Variants in PITPNC1 observed in about 807,000 individuals in gnomAD.
PITPNC1 encodes the protein cytoplasmic phosphatidylinositol transfer protein 1.
PITPNC1 carries 18 observed loss-of-function variants against 44.7 expected under a neutral mutation model. That is an observed-to-expected ratio of 0.40 (90% CI 0.28 to 0.60). The LOEUF is 0.60. Among genes scored for constraint, PITPNC1 ranks in the 20% least tolerant of loss-of-function variants. PITPNC1 has a pLI of 0.39. For missense variants in PITPNC1, 290 were observed against 418.4 expected, an observed-to-expected ratio of 0.69 and a Z score of 2.68; for synonymous variants, 141 against 149.6, an observed-to-expected ratio of 0.94 and a Z score of 0.42.
At chr17:67,617,961 G>T (rs192296114) in intron 5 of PITPNC1, among the ~76,000 whole-genome samples, 1 of 152,144 alleles carries the variant, frequency 6.6e-6, no homozygotes, top group Non-Finnish European at 1.5e-5. Flanking sequence ...GATTCGGGGG[G>T]ACACTCTTCA....
intron 1 of PITPNC1, chr17:67,457,202 C>G (rs1333491040): frequency 6.6e-6 from 1 of 152,146 alleles, no homozygotes; most frequent in Non-Finnish European, 1.5e-5. Flanking sequence ...GAATAGTGCA[C>G]TACAGCCCAG....
At chr17:67,575,841 TC>T (rs1469656327) in intron 4 of PITPNC1, among the ~76,000 whole-genome samples, 1 of 98,716 alleles carries the variant, frequency 1.0e-5, no homozygotes, top group Non-Finnish European at 2.0e-5. Context: ...CTTCCTTCCT[TC>T]TTTCTTTCTT....
At position 67,692,720 on chromosome 17, in the gene PITPNC1, C is replaced by T; in HGVS notation, c.831C>T (p.Ser277=). ...SVRSAPSSAP[S]TPLSTDAPEF... is the part of the protein sequence containing the mutation. Reference sequence around the variant, plus strand: ...GCAGTGCGCCTTCTAGTGCTCCATCCACCCCTCTCTCCACAGACGCACCCG... The same window carrying T: ...GCAGTGCGCCTTCTAGTGCTCCATCTACCCCTCTCTCCACAGACGCACCCG... Residue 277 remains serine (S), a synonymous_variant, in exon 9 of 9, where the codon TCC becomes TCT. Coordinates refer to ENST00000581322, the MANE Select transcript of PITPNC1 (RefSeq NM_012417.4). The T allele has an allele frequency of 6.2e-7, 1 of 1,613,842 alleles. No individual in the cohort carries two copies. Among genetic ancestry groups the T allele is most frequent in the Non-Finnish European group, 8.5e-7 (1 of 1,179,822 alleles).
chr17:67,575,839 C>CTTCCTTCT (rs2041137643), intron 4 of PITPNC1, among the ~76,000 whole-genome samples: 6 of 92,896 alleles, frequency 6.5e-5, no homozygotes, highest in African/African-American at 2.5e-4. Context: ...TCCTTCCTTC[C>CTTCCTTCT]TTCTTTCTTT....
chr17:67,382,560 A>G (rs2037978880), intron 1 of PITPNC1, among the ~76,000 whole-genome samples: 2 of 152,262 alleles, frequency 1.3e-5, no homozygotes, highest in East Asian at 3.9e-4. Context: ...TATAGAGAGA[A>G]AGTTGTCATT....
At chr17:67,425,611 T>C (rs2038752998) in intron 1 of PITPNC1, among the ~76,000 whole-genome samples, 1 of 151,672 alleles carries the variant, frequency 6.6e-6, no homozygotes, top group Non-Finnish European at 1.5e-5. Context: ...AACTTTGCAC[T>C]CCTGGGCTCA....
chr17:67,669,194 CCT>C (rs2144400390), intron 6 of PITPNC1, among the ~76,000 whole-genome samples: 1 of 152,314 alleles, frequency 6.6e-6, no homozygotes, highest in South Asian at 2.1e-4. Flanking sequence ...ACAACCTCTG[CCT>C]CTCGGGTTCA....
intron 2 of PITPNC1, among the ~76,000 whole-genome samples, chr17:67,541,466 CAT>C (rs1447962374): frequency 2.4e-5 from 1 of 42,428 alleles, no homozygotes; most frequent in African/African-American, 8.3e-5. Flanking sequence ...AGCAATTATA[CAT>C]ACACACACAC....
chr17:67,641,299 A>G (rs937950016), intron 6 of PITPNC1, among the ~76,000 whole-genome samples: 1 of 152,194 alleles, frequency 6.6e-6, no homozygotes, highest in African/African-American at 2.4e-5. Context: ...AAACAGAGCA[A>G]ATCTCCTATG....
chr17:67,620,812 G>C (rs1277352543), intron 5 of PITPNC1, among the ~76,000 whole-genome samples: 1 of 152,124 alleles, frequency 6.6e-6, no homozygotes, highest in Non-Finnish European at 1.5e-5. Flanking sequence ...GTTTGATGGG[G>C]ATTAAATAAA....
chr17:67,591,750 C>T (rs908752340), intron 5 of PITPNC1, among the ~76,000 whole-genome samples: 2 of 152,116 alleles, frequency 1.3e-5, no homozygotes, highest in Non-Finnish European at 2.9e-5. Flanking sequence ...TGCTGTGTCA[C>T]CCAGGCTGGA....
chr17:67,530,085 CTTTTTTTTTT>C lies in PITPNC1; in HGVS notation c.49-2702_49-2693del, dbSNP rs796278390. The stretch of plus-strand genomic sequence containing the variant: ...ATCCGGTTCGGACCTCAACCCTTGG[CTTTTTTTTTT>C]TTTTTTTTTTTTTTGAGATGGGGTC... On this transcript the variant is annotated intron_variant, in intron 1 of 8. Transcript: ENST00000581322. Among the ~76,000 whole-genome samples, 5 of 71,252 alleles carry C rather than the reference CTTTTTTTTTT, an allele frequency of 7.0e-5. No homozygotes were observed. The South Asian group carries it at 2.2e-3, about 31-fold the overall frequency. The allele number at this position is 71,252 out of a possible 152,430, so 46.7% of individuals were successfully genotyped here.
intron 1 of PITPNC1, among the ~76,000 whole-genome samples, chr17:67,513,375 CTATATCTAT>C (rs890057135): frequency 3.5e-5 from 5 of 142,052 alleles, no homozygotes; most frequent in African/African-American, 1.4e-4. Flanking sequence ...ATATCTATAT[CTATATCTAT>C]ATCTATATCT....
At chr17:67,529,056 G>A (rs537128283) in intron 1 of PITPNC1, among the ~76,000 whole-genome samples, 4 of 152,098 alleles carry the variant, frequency 2.6e-5, no homozygotes, top group African/African-American at 7.2e-5. Flanking sequence ...CACCCCCAGC[G>A]TCTGCAGGTC....
chr17:67,663,312 G>A (rs953524335), intron 6 of PITPNC1, among the ~76,000 whole-genome samples: 27 of 152,174 alleles, frequency 1.8e-4, no homozygotes, highest in African/African-American at 6.5e-4. Context: ...GCTCCTGCCT[G>A]TAATCCCAGC....
intron 6 of PITPNC1, among the ~76,000 whole-genome samples, chr17:67,641,571 C>A (rs2042092807): frequency 6.6e-6 from 1 of 151,990 alleles, no homozygotes. Flanking sequence ...CCAAGGCAGG[C>A]AGATCGCTTA....
intron 1 of PITPNC1, among the ~76,000 whole-genome samples, chr17:67,409,598 G>A (rs909810697): frequency 6.6e-6 from 1 of 151,886 alleles, no homozygotes; most frequent in East Asian, 1.9e-4. Context: ...GAGTGCAGTG[G>A]CGTGATCCCA....
intron 5 of PITPNC1, among the ~76,000 whole-genome samples, chr17:67,600,361 A>G (rs2041524995): frequency 6.6e-6 from 1 of 152,206 alleles, no homozygotes; most frequent in Non-Finnish European, 1.5e-5. Context: ...CAGAATGTAA[A>G]TCTACTGCCG....
At chr17:67,543,022 A>G (rs544921102) in intron 2 of PITPNC1, among the ~76,000 whole-genome samples, 11 of 152,254 alleles carry the variant, frequency 7.2e-5, no homozygotes, top group African/African-American at 2.4e-4. Context: ...ACAGGCCAAA[A>G]AGGAGGCGTG....
Sources: gnomAD v4.1 joint callset for allele counts (sites outside exome capture counted in the v4.1 genomes callset) on GRCh38, gnomAD v4.1.1 for gene constraint, MANE v1.5 for transcripts, NCBI Gene and HGNC (gene_info 2026-07-23, HGNC 2026-07-21) for gene names.